The following DISP1 variants were observed in gnomAD, a reference collection of about 807,000 sequenced individuals.
DISP1 encodes dispatched RND transporter family member 1.
Under a neutral mutation model 37.3 loss-of-function variants are expected in DISP1, and 30 were observed. The observed-to-expected ratio is 0.80, with a 90% CI of 0.60 to 1.09. DISP1 has a LOEUF of 1.09. Among genes scored for constraint, DISP1 ranks in the 50% least tolerant of loss-of-function variants. The pLI, the probability that DISP1 is intolerant of heterozygous loss-of-function variation, is 0.00. For synonymous variants in DISP1, 634 were observed against 690.2 expected, an observed-to-expected ratio of 0.92 and a Z score of 1.28; for missense variants, 1,598 against 1,879.5, an observed-to-expected ratio of 0.85 and a Z score of 2.77.
chr1:223,005,973 T>C lies in DISP1; in HGVS notation c.*1T>C, dbSNP rs756444709. ...AAGTTTGTTAATAAAAACACTATAA[T>C]AAATGCAGCATTCAATTCAGAACCA... is the stretch of plus-strand genomic sequence containing the variant. On this transcript the variant is annotated 3_prime_UTR_variant, in exon 9 of 9. Transcript: ENST00000675850. 4 of 1,608,024 alleles carry C rather than the reference T, an allele frequency of 2.5e-6. No individual in the cohort carries two copies. The East Asian group carries it at 8.9e-5, about 36-fold the overall frequency.
chr1:222,827,613 A>G (rs1664745604), intron 1 of DISP1: 1 of 152,178 alleles, frequency 6.6e-6, no homozygotes, highest in Non-Finnish European at 1.5e-5. Flanking sequence ...TAAGTTATAC[A>G]TCTTTAAATT....
intron 1 of DISP1, among the ~76,000 whole-genome samples, chr1:222,875,645 T>C (rs1286535886): frequency 1.6e-5 from 2 of 124,858 alleles, no homozygotes; most frequent in East Asian, 4.6e-4. Context: ...GGTGAAACCC[T>C]GTCTCTACTA....
At chr1:222,856,828 C>T (rs993999699) in intron 1 of DISP1, among the ~76,000 whole-genome samples, 4 of 151,608 alleles carry the variant, frequency 2.6e-5, no homozygotes, top group East Asian at 3.9e-4. Flanking sequence ...CTCAGCCTCC[C>T]GAGTAGCAGG....
intron 2 of DISP1, among the ~76,000 whole-genome samples, chr1:222,930,596 A>G (rs1394688108): frequency 3.9e-5 from 6 of 152,130 alleles, no homozygotes; most frequent in Admixed American, 1.3e-4. Flanking sequence ...GTGCTTACCA[A>G]AATGATTGCT....
chr1:222,919,592 C>G (rs1336646588), intron 1 of DISP1, among the ~76,000 whole-genome samples: 1 of 152,224 alleles, frequency 6.6e-6, no homozygotes, highest in Non-Finnish European at 1.5e-5. Context: ...TGTCCCCCTT[C>G]GTTCAGTCCT....
At chr1:222,972,069 T>C (rs1400255652) in intron 3 of DISP1, among the ~76,000 whole-genome samples, 11 of 152,210 alleles carry the variant, frequency 7.2e-5, no homozygotes, top group African/African-American at 2.6e-4. Flanking sequence ...TCAGTAGATA[T>C]TTTCGATTAT....
At chr1:222,852,605 G>A (rs1468590460) in intron 1 of DISP1, among the ~76,000 whole-genome samples, 1 of 152,184 alleles carries the variant, frequency 6.6e-6, no homozygotes, top group Non-Finnish European at 1.5e-5. Context: ...AACCCAGTAA[G>A]TCATTCTTTA....
intron 1 of DISP1, among the ~76,000 whole-genome samples, chr1:222,900,665 A>T (rs922479810): frequency 6.6e-6 from 1 of 152,234 alleles, no homozygotes; most frequent in Non-Finnish European, 1.5e-5. Flanking sequence ...GAATACCCAG[A>T]ACATACTTTT....
At chr1:222,840,536 C>A (rs1445682228) in intron 1 of DISP1, among the ~76,000 whole-genome samples, 1 of 149,658 alleles carries the variant, frequency 6.7e-6, no homozygotes, top group East Asian at 2.0e-4. Flanking sequence ...GCCACCATGC[C>A]TGGCCATTAG....
chr1:222,911,829 G>A (rs1460157291), intron 1 of DISP1, among the ~76,000 whole-genome samples: 2 of 152,248 alleles, frequency 1.3e-5, no homozygotes, highest in East Asian at 3.9e-4. Flanking sequence ...ACTGTCCCTG[G>A]CCCATTTGTT....
chr1:222,840,294 T>C lies in DISP1; in HGVS notation c.-159+25216T>C, dbSNP rs138701278. 6.2e-3 allele frequency among the ~76,000 whole-genome samples: 947 copies of C among 152,240 alleles called. 11 individuals are homozygous for C. The highest frequency in any genetic ancestry group is 0.021 in the African/African-American group (893 of 41,536). Reference sequence around the variant, plus strand: ...TCTCACTCTGTCACCCAGGCTGGAGTGCAGTGGCATGATCTCGGCTTACTG... The same window carrying C: ...TCTCACTCTGTCACCCAGGCTGGAGCGCAGTGGCATGATCTCGGCTTACTG... On this transcript the variant is annotated intron_variant, in intron 1 of 8. Coordinates refer to ENST00000675850, the MANE Select transcript of DISP1 (RefSeq NM_001377229.1).
Position 223,005,112 on chromosome 1 carries a change from C to G in DISP1, c.3715C>G (p.Leu1239Val). 1 of 1,614,172 alleles carries G rather than the reference C, an allele frequency of 6.2e-7. No individual in the cohort carries two copies. The highest frequency in any genetic ancestry group is 8.5e-7 in the Non-Finnish European group (1 of 1,180,026). Reference sequence around the variant, plus strand: ...TGTGCATGCAGCTTACAACAGTGAACTCAGCAAAAGCACTGAAAGTGACGC... The same window carrying G: ...TGTGCATGCAGCTTACAACAGTGAAGTCAGCAAAAGCACTGAAAGTGACGC... Reference protein sequence around the residue: ...MPVHAAYNSELSKSTESDAGS... With the variant: ...MPVHAAYNSEVSKSTESDAGS... The change falls in exon 9 of 9, where the codon CTC becomes GTC. Residue 1239 changes from leucine to valine, a missense_variant. Transcript: ENST00000675850.
chr1:222,877,715 T>C (rs961003446), intron 1 of DISP1, among the ~76,000 whole-genome samples: 1 of 152,236 alleles, frequency 6.6e-6, no homozygotes, highest in Non-Finnish European at 1.5e-5. Flanking sequence ...AAATTTTACC[T>C]ATTATCAGTG....
chr1:222,862,882 A>T (rs1049511483), intron 1 of DISP1, among the ~76,000 whole-genome samples: 1 of 152,134 alleles, frequency 6.6e-6, no homozygotes, highest in Non-Finnish European at 1.5e-5. Context: ...CCAATCCAGG[A>T]TCACACATTC....
intron 1 of DISP1, among the ~76,000 whole-genome samples, chr1:222,845,864 T>A (rs1017254335): frequency 6.6e-6 from 1 of 152,226 alleles, no homozygotes; most frequent in African/African-American, 2.4e-5. Context: ...CATGCTTTAA[T>A]ATTCAAAATA....
intron 1 of DISP1, among the ~76,000 whole-genome samples, chr1:222,915,197 C>A (rs77144953): frequency 6.6e-6 from 1 of 152,102 alleles, no homozygotes; most frequent in South Asian, 2.1e-4. Flanking sequence ...CTTCTTTGAT[C>A]TAAATAAATG....
intron 1 of DISP1, among the ~76,000 whole-genome samples, chr1:222,874,198 G>A (rs1669797106): frequency 6.6e-6 from 1 of 152,084 alleles, no homozygotes; most frequent in African/African-American, 2.4e-5. Flanking sequence ...CTCTCTGGCT[G>A]CCCTTAACAT....
intron 1 of DISP1, among the ~76,000 whole-genome samples, chr1:222,875,518 T>C (rs555899695): frequency 4.2e-4 from 63 of 151,712 alleles, no homozygotes; most frequent in African/African-American, 1.5e-3. Context: ...GAATTTTAGA[T>C]AGAAAATAGC....
chr1:222,991,917 C>T (rs1678723294), intron 6 of DISP1, 96 bp from the exon 7 acceptor site: 1 of 969,848 alleles, frequency 1.0e-6, no homozygotes, highest in Non-Finnish European at 1.6e-6. Context: ...AAGGACTAAG[C>T]AGGTCATGGC....
Sources: gnomAD v4.1 joint callset for allele counts (sites outside exome capture counted in the v4.1 genomes callset) on GRCh38, gnomAD v4.1.1 for gene constraint, MANE v1.5 for transcripts, NCBI Gene and HGNC (gene_info 2026-07-23, HGNC 2026-07-21) for gene names.